The following SARDH variants were observed in gnomAD, a reference collection of about 807,000 sequenced individuals.
SARDH encodes sarcosine dehydrogenase.
A neutral mutation model predicts 109.1 loss-of-function variants in SARDH; 95 were observed. That is an observed-to-expected ratio of 0.87 (90% CI 0.74 to 1.03). SARDH has a LOEUF of 1.03. Ranked by LOEUF, SARDH falls within the 50% of genes least tolerant of loss-of-function variation. SARDH has a pLI of 0.00. For synonymous variants in SARDH, 572 were observed against 534.8 expected (o/e 1.07, Z -0.96); for missense variants, 1,267 against 1,287.8 (o/e 0.98, Z 0.25).
At position 133,730,070 on chromosome 9, in the gene SARDH, A is replaced by G; in HGVS notation, c.808T>C (p.Cys270Arg). 6.2e-7 allele frequency: 1 copy of G among 1,614,184 alleles called. No homozygotes were observed. The highest frequency in any genetic ancestry group is 1.1e-5 in the South Asian group (1 of 91,084). Reference sequence around the variant, plus strand: ...GGAGAAATGCCACTCGCACCTGCACAGTTGACCACGCAGGGTGTCTGGATG... The same window carrying G: ...GGAGAAATGCCACTCGCACCTGCACGGTTGACCACGCAGGGTGTCTGGATG... Reference protein sequence around the residue: ...GSIQTPCVVNCAGVWASAVGR... With the variant: ...GSIQTPCVVNRAGVWASAVGR... The change falls in exon 5 of 21, where the codon TGT (cysteine) becomes CGT (arginine). Residue 270 changes from cysteine (C) to arginine (R), a missense_variant. Coordinates refer to ENST00000439388, the MANE Select transcript of SARDH (RefSeq NM_001134707.2).
chr9:133,672,504 T>A (rs948896728), intron 17 of SARDH, among the ~76,000 whole-genome samples: 4 of 152,216 alleles, frequency 2.6e-5, no homozygotes, highest in Non-Finnish European at 4.4e-5. Flanking sequence ...CTGAGACACG[T>A]CTGCGAGGAG....
rs1830274525 is a variant in SARDH, at chr9:133,669,873, C to T, written c.2495+711G>A. 2.6e-5 allele frequency among the ~76,000 whole-genome samples: 4 copies of T among 152,240 alleles called. No homozygotes were observed. The South Asian group carries it at 8.3e-4, about 32-fold the overall frequency. On this transcript the variant is annotated intron_variant, in intron 19 of 20. Transcript: ENST00000439388. The stretch of plus-strand genomic sequence containing the variant: ...GGAGGTCAGGCTCCCTGGGTTCACC[C>T]TCCCAAGGCCCTCGGCCTAGACCTG...
intron 1 of SARDH, among the ~76,000 whole-genome samples, chr9:133,736,944 G>A (rs771424900): frequency 2.5e-4 from 38 of 152,194 alleles, no homozygotes; most frequent in Admixed American, 2.6e-4. Flanking sequence ...ATGCACGTTC[G>A]TTCACTCTCA....
chr9:133,720,632 A>C (rs1832291128), intron 6 of SARDH, among the ~76,000 whole-genome samples: 1 of 148,470 alleles, frequency 6.7e-6, no homozygotes. Flanking sequence ...GGCATGTCTT[A>C]CATGGCAGCA....
Position 133,663,841 on chromosome 9 carries a change from C to T in SARDH, c.*48G>A, listed in dbSNP as rs758256445. 5.0e-6 allele frequency: 8 copies of T among 1,608,350 alleles called. No individual in the cohort carries two copies. The stretch of plus-strand genomic sequence containing the variant: ...CCTGGGACCCAGGGCCATTTGGGAC[C>T]TGTGAGAATGGATGGACAGCATGGG... On this transcript the variant is annotated 3_prime_UTR_variant, in exon 21 of 21. Transcript: ENST00000439388.
Position 133,733,985 on chromosome 9 carries a change from C to T in SARDH, c.189G>A (p.Leu63=), listed in dbSNP as rs971679597. The T allele has an allele frequency of 1.2e-6, 2 of 1,612,360 alleles. No individual in the cohort carries two copies. Among genetic ancestry groups the T allele is most frequent in the African/African-American group, 2.7e-5 (2 of 74,950 alleles). Residue 63 remains leucine (L), a synonymous_variant, in exon 2 of 21, where the codon CTG becomes CTA. Transcript: ENST00000439388. ...TGACCACCACGTTGGCCGTGCTGGGCAGGGGCCGGCTTGGGCCTTGGGCCA... is the reference window on the plus strand; with the variant it reads ...TGACCACCACGTTGGCCGTGCTGGGTAGGGGCCGGCTTGGGCCTTGGGCCA... ...SVVAQGPSRP[L]PSTANVVVIG...
intron 17 of SARDH, among the ~76,000 whole-genome samples, chr9:133,675,070 G>A (rs1447088444): frequency 6.6e-6 from 1 of 152,212 alleles, no homozygotes; most frequent in East Asian, 1.9e-4. Context: ...GGGGCCGGGT[G>A]TGGTGGCTCA....
chr9:133,677,511 T>C lies in SARDH; in HGVS notation c.2164-5814A>G, dbSNP rs1251312414. On this transcript the variant is annotated intron_variant, in intron 17 of 20. Transcript: ENST00000439388. ...GGGAACTCTGCCTCCTGTTTAGGAATAGGTGCTTTGGAATCAAACCCATGA... is the reference window on the plus strand; with the variant it reads ...GGGAACTCTGCCTCCTGTTTAGGAACAGGTGCTTTGGAATCAAACCCATGA... 7.9e-5 allele frequency among the ~76,000 whole-genome samples: 12 copies of C among 152,222 alleles called. No individual in the cohort carries two copies. The South Asian group carries it at 1.7e-3, about 21-fold the overall frequency.
At position 133,693,712 on chromosome 9, in the gene SARDH, G is replaced by C. The variant is rs1463843678; in HGVS notation, c.1921+546C>G. 6.6e-6 allele frequency among the ~76,000 whole-genome samples: 1 copy of C among 152,222 alleles called. No individual in the cohort carries two copies. Among genetic ancestry groups the C allele is most frequent in the Non-Finnish European group, 1.5e-5 (1 of 68,040 alleles). ...CAGGTCCTGGCTCTGCGTAACAGTT[G>C]GGGCTGAGCAAACAAGGGATGAAGG... On this transcript the variant is annotated intron_variant, in intron 15 of 20. Coordinates refer to ENST00000439388, the MANE Select transcript of SARDH (RefSeq NM_001134707.2). The surrounding 1 kb of genome is among the most constrained non-coding windows in gnomAD (Gnocchi z 5.6).
At chr9:133,664,985 T>C (rs1032673878) in intron 20 of SARDH, among the ~76,000 whole-genome samples, 5 of 152,180 alleles carry the variant, frequency 3.3e-5, no homozygotes, top group African/African-American at 1.2e-4. Flanking sequence ...TTCCCATCAA[T>C]GAGCAGGTTT....
chr9:133,716,362 C>T (rs1436460205), intron 8 of SARDH, among the ~76,000 whole-genome samples: 8 of 152,234 alleles, frequency 5.3e-5, no homozygotes, highest in African/African-American at 1.2e-4. Flanking sequence ...CTGGGGTCAC[C>T]GGTAGCTCCT....
At position 133,666,969 on chromosome 9, in the gene SARDH, C is replaced by G; in HGVS notation, c.2496-99G>C. 1.3e-6 allele frequency: 2 copies of G among 1,511,574 alleles called. No homozygotes were observed. Among genetic ancestry groups the G allele is most frequent in the Non-Finnish European group, 1.8e-6 (2 of 1,110,226 alleles). The allele number at this position is 1,511,574 out of a possible 1,614,324, so 93.6% of individuals were successfully genotyped here. ...AGAATGGGGGGCTGCATGATGCACACCCAACCGTGGCTCCAGGCAGATAGG... is the reference window on the plus strand; with the variant it reads ...AGAATGGGGGGCTGCATGATGCACAGCCAACCGTGGCTCCAGGCAGATAGG... On this transcript the variant is annotated intron_variant, in intron 19 of 20. Transcript: ENST00000439388. This position sits in a 1 kb window ranked among gnomAD's most constrained non-coding sequence, Gnocchi z 5.2.
rs1832292306 is a variant in SARDH, at chr9:133,720,646, A to AG, written c.916-1605_916-1604insC. On this transcript the variant is annotated intron_variant, in intron 6 of 20. Coordinates refer to ENST00000439388, the MANE Select transcript of SARDH (RefSeq NM_001134707.2). ...AGGCATGTCTTACATGGCAGCAGGA[A>AG]AGAGAGAGAGAGCATGTGCAGGGGA... Among the ~76,000 whole-genome samples, 7 of 151,920 alleles carry AG rather than the reference A, an allele frequency of 4.6e-5. No homozygotes were observed. In the South Asian group the frequency reaches 1.2e-3, roughly 27 times the overall value.
At chr9:133,696,800 C>A (rs1831304333) in intron 13 of SARDH, among the ~76,000 whole-genome samples, 1 of 152,112 alleles carries the variant, frequency 6.6e-6, no homozygotes, top group Non-Finnish European at 1.5e-5. Flanking sequence ...AAGCACAACA[C>A]ACAACCACTT....
At chr9:133,671,503 C>T in intron 18 of SARDH, 32 bp downstream of exon 18, 1 of 1,554,736 alleles carries the variant, frequency 6.4e-7, no homozygotes, top group South Asian at 1.2e-5. Flanking sequence ...TGCGCCCGCC[C>T]CCGCCCCGTG....
In SARDH at chr9:133,731,434, G is replaced by C. The variant is rs1832677922; in HGVS notation, c.561C>G (p.Thr187=). 6.2e-7 allele frequency: 1 copy of C among 1,614,154 alleles called. No homozygotes were observed. ...CATTCATCAGCGGGTACAGAGTCTTGGTCTCTGCCGGGCTCAGCACATGGG... is the reference window on the plus strand; with the variant it reads ...CATTCATCAGCGGGTACAGAGTCTTCGTCTCTGCCGGGCTCAGCACATGGG... ...VESHVLSPAE[T]KTLYPLMNVD... Residue 187 remains threonine (T), a synonymous_variant, in exon 4 of 21, where the codon ACC becomes ACG. Coordinates refer to ENST00000439388, the MANE Select transcript of SARDH (RefSeq NM_001134707.2).
At chr9:133,738,412 G>C (rs1406010332), upstream of SARDH, 1 of 152,042 alleles carries the variant, frequency 6.6e-6, no homozygotes, top group Non-Finnish European at 1.5e-5. Flanking sequence ...GGATCTGGGC[G>C]GAGCGTACCG....
intron 13 of SARDH, among the ~76,000 whole-genome samples, chr9:133,701,491 G>A (rs562211055): frequency 3.9e-5 from 6 of 152,358 alleles, no homozygotes; most frequent in Admixed American, 2.0e-4. Context: ...AGCTGCCAGC[G>A]CCAAGAACAA....
At chr9:133,703,177 G>T (rs1436473326) in intron 12 of SARDH, 148 bp from the exon 13 acceptor site, 2 of 677,944 alleles carry the variant, frequency 3.0e-6, no homozygotes, top group Non-Finnish European at 5.1e-6. Flanking sequence ...TGTTGTGGAC[G>T]CGGGCAGGGG....
Sources: allele counts gnomAD v4.1 joint callset (sites outside exome capture counted in the v4.1 genomes callset), GRCh38; gene constraint gnomAD v4.1.1; non-coding constraint Gnocchi (gnomAD v3.1); transcripts MANE v1.5; gene names NCBI Gene and HGNC (gene_info 2026-07-23, HGNC 2026-07-21).